The following SND1 variants were observed in gnomAD, a reference collection of about 807,000 sequenced individuals.
SND1 encodes staphylococcal nuclease domain-containing protein 1.
SND1 carries 38 observed loss-of-function variants against 121.7 expected under a neutral mutation model. The ratio of observed to expected loss-of-function variants is 0.31; its 90% CI spans 0.24 to 0.41. SND1 has a LOEUF of 0.41. Ranked by LOEUF, SND1 falls within the 10% of genes least tolerant of loss-of-function variation. The pLI is 1.00. For missense variants in SND1, 868 were observed against 1,184.6 expected (o/e 0.73, Z 3.92); for synonymous variants, 401 against 447.4 (o/e 0.90, Z 1.31).
chr7:128,058,238 A>G (rs1255504014), intron 16 of SND1, among the ~76,000 whole-genome samples: 2 of 152,276 alleles, frequency 1.3e-5, no homozygotes, highest in Non-Finnish European at 2.9e-5. Context: ...CACTCAACAT[A>G]CGTTTCTATT....
intron 15 of SND1, chr7:127,949,050 T>A (rs183428890): frequency 3.9e-5 from 6 of 152,362 alleles, no homozygotes; most frequent in African/African-American, 1.4e-4. Context: ...CCAATACTGC[T>A]TATGTGCAGT....
intron 10 of SND1, among the ~76,000 whole-genome samples, chr7:127,771,029 A>G (rs1245550110): frequency 6.6e-6 from 1 of 152,230 alleles, no homozygotes; most frequent in Non-Finnish European, 1.5e-5. Context: ...GCAACTATTC[A>G]GCATGGAAGC....
intron 7 of SND1, among the ~76,000 whole-genome samples, chr7:127,703,655 T>A (rs1345064682): frequency 6.6e-6 from 1 of 152,102 alleles, no homozygotes; most frequent in East Asian, 1.9e-4. Context: ...GAGGTTGCAG[T>A]GAGCCGAGAT....
intron 16 of SND1, among the ~76,000 whole-genome samples, chr7:128,071,116 T>C (rs2117046155): frequency 6.6e-6 from 1 of 152,320 alleles, no homozygotes; most frequent in South Asian, 2.1e-4. Context: ...TGCTGTCTAG[T>C]GTTCCTGAGT....
chr7:128,030,055 A>T lies in SND1; in HGVS notation c.1779+38999A>T, dbSNP rs1056610442. The T allele has an allele frequency of 2.1e-5, 34 of 1,613,196 alleles. No homozygotes were observed. Among genetic ancestry groups the T allele is most frequent in the Non-Finnish European group, 2.9e-5 (34 of 1,180,018 alleles). ...CCCAAGTTCAGATACTTGAGGTTGA[A>T]CAGCCCCTCAAAAGCTCCCTCAGAG... On this transcript the variant is annotated intron_variant, in intron 16 of 23. Transcript: ENST00000354725.
chr7:127,931,362 ACT>A (rs1800952842), intron 15 of SND1, among the ~76,000 whole-genome samples: 1 of 151,992 alleles, frequency 6.6e-6, no homozygotes, highest in African/African-American at 2.4e-5. Context: ...TCTGGATTTG[ACT>A]CTCCTCAATT....
rs775651894 is a variant in SND1 at position 128,074,491 on chromosome 7, C to G, written c.1780-11C>G. 10 of 1,605,750 alleles carry G rather than the reference C, an allele frequency of 6.2e-6. No individual in the cohort carries two copies. The highest frequency in any genetic ancestry group is 1.1e-5 in the South Asian group (1 of 90,156). On this transcript the variant is annotated splice_polypyrimidine_tract_variant and intron_variant, in intron 16 of 23. Coordinates refer to ENST00000354725, the MANE Select transcript of SND1 (RefSeq NM_014390.4). Reference sequence around the variant, plus strand: ...GGCCCCCACAGGCTTACGCCTGTCTCTCTGTCCCAGGTGGAGGTGGAGGTG... The same window carrying G: ...GGCCCCCACAGGCTTACGCCTGTCTGTCTGTCCCAGGTGGAGGTGGAGGTG...
intron 15 of SND1, among the ~76,000 whole-genome samples, chr7:127,933,843 A>T (rs944346288): frequency 7.2e-5 from 11 of 152,218 alleles, no homozygotes; most frequent in African/African-American, 2.7e-4. Context: ...GAGCTATGCC[A>T]GCCTTCTTCT....
At chr7:127,916,909 G>A (rs567850641) in intron 14 of SND1, among the ~76,000 whole-genome samples, 5 of 152,246 alleles carry the variant, frequency 3.3e-5, no homozygotes, top group East Asian at 1.9e-4. Flanking sequence ...TAGGAGTTTC[G>A]TAACAATAGG....
intron 12 of SND1, among the ~76,000 whole-genome samples, chr7:127,865,568 G>A (rs1425711816): frequency 1.3e-5 from 2 of 152,038 alleles, no homozygotes; most frequent in Non-Finnish European, 2.9e-5. Context: ...CATTCTCTAA[G>A]GGACTGTCTT....
chr7:127,818,536 C>G (rs147882670), intron 11 of SND1, among the ~76,000 whole-genome samples: 1 of 152,172 alleles, frequency 6.6e-6, no homozygotes, highest in African/African-American at 2.4e-5. Context: ...CCTCTCAGCC[C>G]CTGGCTTGGG....
chr7:127,888,211 T>C (rs1799946797), intron 13 of SND1, among the ~76,000 whole-genome samples, 199 bp downstream of exon 13: 1 of 152,110 alleles, frequency 6.6e-6, no homozygotes, highest in African/African-American at 2.4e-5. Context: ...CACTTGGTCT[T>C]CCATTTTAAA....
intron 12 of SND1, among the ~76,000 whole-genome samples, chr7:127,866,063 A>G (rs913078793): frequency 7.9e-5 from 12 of 152,196 alleles, no homozygotes; most frequent in Admixed American, 7.9e-4. Context: ...GTAGTTTATT[A>G]AAATACAACC....
intron 16 of SND1, among the ~76,000 whole-genome samples, chr7:128,042,124 G>A (rs1792866078): frequency 6.6e-6 from 1 of 152,100 alleles, no homozygotes; most frequent in Admixed American, 6.5e-5. Context: ...TGGCAGCCCA[G>A]TGAGGCTACT....
At chr7:127,857,694 T>A (rs924788128) in intron 12 of SND1, among the ~76,000 whole-genome samples, 3 of 152,098 alleles carry the variant, frequency 2.0e-5, no homozygotes, top group Non-Finnish European at 1.5e-5. Flanking sequence ...CTTCTGGCCA[T>A]CAGCACAGCC....
intron 17 of SND1, among the ~76,000 whole-genome samples, chr7:128,081,141 C>T (rs12536975): frequency 0.013 from 2,012 of 152,222 alleles, 44 homozygotes; most frequent in Middle Eastern, 0.037. Flanking sequence ...GGATTACAGG[C>T]GCCCACCACC....
At chr7:127,686,889 G>A in intron 2 of SND1, 127 bp downstream of exon 2, 1 of 1,046,080 alleles carries the variant, frequency 9.6e-7, no homozygotes, top group Non-Finnish European at 1.4e-6. Context: ...TAGAACTGCT[G>A]ATTCTGGATG....
chr7:127,977,365 T>C (rs1322878033), intron 15 of SND1, among the ~76,000 whole-genome samples: 5 of 152,152 alleles, frequency 3.3e-5, no homozygotes, highest in Non-Finnish European at 5.9e-5. Context: ...AAGAAATAGA[T>C]GTTGCAAGTC....
At chr7:127,712,695 T>G (rs1180596941) in intron 9 of SND1, among the ~76,000 whole-genome samples, 1 of 152,232 alleles carries the variant, frequency 6.6e-6, no homozygotes, top group Non-Finnish European at 1.5e-5. Flanking sequence ...CCATCTGCTT[T>G]CCAGCTTCCA....
Sources: allele counts gnomAD v4.1 joint callset (sites outside exome capture counted in the v4.1 genomes callset), GRCh38; gene constraint gnomAD v4.1.1; transcripts MANE v1.5; gene names NCBI Gene and HGNC (gene_info 2026-07-23, HGNC 2026-07-21).